EPHA3: variants seen among roughly 807,000 people sequenced by gnomAD.
EPHA3 encodes ephrin type-A receptor 3.
In EPHA3, 42 loss-of-function variants were observed where a neutral mutation model predicts 107.1. That is an observed-to-expected ratio of 0.39 (90% confidence interval 0.31 to 0.51). The LOEUF is 0.51. Among genes scored for constraint, EPHA3 ranks in the 20% least tolerant of loss-of-function variants. The probability of loss-of-function intolerance (pLI) is 0.78; values close to 1 mark genes in which losing one functional copy is unlikely to be tolerated. For synonymous variants in EPHA3, 461 were observed against 424.8 expected (o/e 1.09, Z -1.05); for missense variants, 1,183 against 1,211.2 (o/e 0.98, Z 0.35).
intron 3 of EPHA3, among the ~76,000 whole-genome samples, chr3:89,220,163 G>A (rs1247104945): frequency 6.6e-6 from 1 of 152,168 alleles, no homozygotes; most frequent in Non-Finnish European, 1.5e-5. Flanking sequence ...TAGTGGAAGG[G>A]TTGAGAAACT....
chr3:89,332,590 C>G (rs1028622156), intron 3 of EPHA3, among the ~76,000 whole-genome samples: 1 of 152,194 alleles, frequency 6.6e-6, no homozygotes, highest in African/African-American at 2.4e-5. Context: ...CGCATTGTAC[C>G]TCTATTCAGA....
intron 13 of EPHA3, 31 bp downstream of exon 13, chr3:89,431,390 C>T (rs761130172): frequency 1.3e-6 from 2 of 1,564,964 alleles, no homozygotes; most frequent in African/African-American, 1.4e-5. Flanking sequence ...CCTTTTTTAT[C>T]ATTGTTTTCC....
intron 5 of EPHA3, among the ~76,000 whole-genome samples, chr3:89,353,596 T>G (rs1707880816): frequency 6.6e-6 from 1 of 151,250 alleles, no homozygotes. Context: ...CAGATACCTG[T>G]GCATCTGGGA....
chr3:89,262,794 AC>A (rs1705446343), intron 3 of EPHA3, among the ~76,000 whole-genome samples: 3 of 151,680 alleles, frequency 2.0e-5, no homozygotes, highest in African/African-American at 7.3e-5. Flanking sequence ...ATTCACTCGC[AC>A]CCACTGCGTT....
At chr3:89,445,773 G>A (rs1709866732) in intron 13 of EPHA3, among the ~76,000 whole-genome samples, 1 of 152,168 alleles carries the variant, frequency 6.6e-6, no homozygotes, top group South Asian at 2.1e-4. Context: ...CATTTCCAAA[G>A]CTAGCAAAAC....
rs140505807 is a variant in EPHA3 at position 89,163,343 on chromosome 3, G to A, written c.153+36070G>A. Among the ~76,000 whole-genome samples the A allele has an allele frequency of 4.9e-3, 746 of 152,168 alleles. 4 individuals are homozygous for A. The highest frequency in any genetic ancestry group is 0.017 in the African/African-American group (703 of 41,518). ...TTGATATTAACTTGATTAACTTTTA[G>A]TTTGATACTAAATACTTTGCTATGA... On this transcript the variant is annotated intron_variant, in intron 2 of 16. Transcript: ENST00000336596.
At chr3:89,374,845 C>T (rs1708373111) in intron 5 of EPHA3, among the ~76,000 whole-genome samples, 1 of 151,656 alleles carries the variant, frequency 6.6e-6, no homozygotes, top group Non-Finnish European at 1.5e-5. Context: ...TCAGAATAGC[C>T]ACCCAACTTA....
intron 2 of EPHA3, among the ~76,000 whole-genome samples, chr3:89,203,650 G>A (rs1299008979): frequency 6.6e-6 from 1 of 151,788 alleles, no homozygotes; most frequent in African/African-American, 2.4e-5. Context: ...AGTGGCGGGC[G>A]CCTGCAGTCC....
At chr3:89,167,323 A>G (rs1705095633) in intron 2 of EPHA3, among the ~76,000 whole-genome samples, 1 of 152,156 alleles carries the variant, frequency 6.6e-6, no homozygotes, top group African/African-American at 2.4e-5. Context: ...TTCAAAGGAC[A>G]TATAATTTAA....
intron 2 of EPHA3, among the ~76,000 whole-genome samples, chr3:89,152,829 T>C (rs556307367): frequency 6.6e-6 from 1 of 152,094 alleles, no homozygotes; most frequent in African/African-American, 2.4e-5. Context: ...GAGGAAAGTT[T>C]GAAAAGATTC....
At chr3:89,181,285 A>C (rs1319354357) in intron 2 of EPHA3, among the ~76,000 whole-genome samples, 2 of 152,032 alleles carry the variant, frequency 1.3e-5, no homozygotes, top group Non-Finnish European at 2.9e-5. Context: ...GTTAATTTCC[A>C]GTTGAGCAAA....
At chr3:89,339,477 A>G (rs928195947) in intron 3 of EPHA3, among the ~76,000 whole-genome samples, 1 of 152,134 alleles carries the variant, frequency 6.6e-6, no homozygotes, top group African/African-American at 2.4e-5. Flanking sequence ...TGTTCAATAC[A>G]TTGGAAATTG....
At position 89,480,303 on chromosome 3, in the gene EPHA3, A is replaced by C. The variant is rs969557784; in HGVS notation, c.*801A>C. On this transcript the variant is annotated 3_prime_UTR_variant, in exon 17 of 17. Coordinates refer to ENST00000336596, the MANE Select transcript of EPHA3 (RefSeq NM_005233.6). ...GATTTTTTGAACCATCCACTTACATATATTTTTAAAAAATGAAATCCTTTT... is the reference window on the plus strand; with the variant it reads ...GATTTTTTGAACCATCCACTTACATCTATTTTTAAAAAATGAAATCCTTTT... 3.9e-5 allele frequency: 9 copies of C among 233,098 alleles called. No homozygotes were observed. The highest frequency in any genetic ancestry group is 3.6e-4 in the South Asian group (2 of 5,524). 14.4% of individuals were successfully genotyped at this position (233,098 alleles called of 1,614,324 possible). A position where few individuals can be genotyped will look rare whatever the true frequency, so the allele number is the denominator to read the frequency against.
chr3:89,421,858 C>T (rs947324534), intron 11 of EPHA3, among the ~76,000 whole-genome samples: 3 of 150,994 alleles, frequency 2.0e-5, no homozygotes, highest in African/African-American at 2.4e-5. Flanking sequence ...TAGAAAAATG[C>T]ACTAAAATGA....
intron 2 of EPHA3, among the ~76,000 whole-genome samples, chr3:89,132,871 C>T (rs998339296): frequency 4.6e-5 from 7 of 152,124 alleles, no homozygotes; most frequent in Non-Finnish European, 7.3e-5. Context: ...GCCTGAATGA[C>T]GGAGCCAGAC....
At chr3:89,185,178 A>G (rs1283300653) in intron 2 of EPHA3, among the ~76,000 whole-genome samples, 1 of 152,066 alleles carries the variant, frequency 6.6e-6, no homozygotes, top group Non-Finnish European at 1.5e-5. Context: ...CAGCATCAGT[A>G]ATATAATTGT....
At chr3:89,279,172 T>A (rs1177176551) in intron 3 of EPHA3, among the ~76,000 whole-genome samples, 4 of 152,166 alleles carry the variant, frequency 2.6e-5, no homozygotes, top group Admixed American at 2.6e-4. Context: ...CATAGCTATG[T>A]CACTGTTCCT....
intron 3 of EPHA3, among the ~76,000 whole-genome samples, chr3:89,317,283 GA>G (rs1706931269): frequency 6.6e-6 from 1 of 151,738 alleles, no homozygotes; most frequent in East Asian, 1.9e-4. Flanking sequence ...CAGCTAGCAG[GA>G]AGAAAGACAA....
intron 10 of EPHA3, among the ~76,000 whole-genome samples, chr3:89,418,463 T>C (rs1709293356): frequency 6.6e-6 from 1 of 151,476 alleles, no homozygotes; most frequent in African/African-American, 2.4e-5. Flanking sequence ...ATACTAGTTC[T>C]AGGCAGTTTT....
Sources: allele counts gnomAD v4.1 joint callset (sites outside exome capture counted in the v4.1 genomes callset), GRCh38; gene constraint gnomAD v4.1.1; transcripts MANE v1.5; gene names NCBI Gene and HGNC (gene_info 2026-07-23, HGNC 2026-07-21).